Variants in KDM4C observed in about 807,000 individuals in gnomAD.
The protein encoded by KDM4C is lysine demethylase 4C.
KDM4C carries 81 observed loss-of-function variants against 129.3 expected under a neutral mutation model. That is an observed-to-expected ratio of 0.63 (90% CI 0.52 to 0.75). KDM4C has a LOEUF of 0.75. Ranked by LOEUF, KDM4C falls within the 30% of genes least tolerant of loss-of-function variation. KDM4C has a pLI of 0.00. For synonymous variants in KDM4C, 573 were observed against 456.1 expected, an observed-to-expected ratio of 1.26 and a Z score of -3.26; for missense variants, 1,457 against 1,304.0, an observed-to-expected ratio of 1.12 and a Z score of -1.81.
At chr9:6,789,185 G>A (rs531763569) in intron 1 of KDM4C, among the ~76,000 whole-genome samples, 54 of 151,242 alleles carry the variant, frequency 3.6e-4, no homozygotes, top group African/African-American at 1.3e-3. Flanking sequence ...CCGAGTAGCT[G>A]GGACTATAGG....
At chr9:6,926,486 A>T (rs1017293227) in intron 8 of KDM4C, among the ~76,000 whole-genome samples, 46 of 152,172 alleles carry the variant, frequency 3.0e-4, no homozygotes, top group Non-Finnish European at 1.3e-4. Flanking sequence ...TTGCATAATT[A>T]AAATTATATG....
At chr9:7,168,770 A>G (rs755999952) in intron 20 of KDM4C, among the ~76,000 whole-genome samples, 2 of 152,214 alleles carry the variant, frequency 1.3e-5, no homozygotes, top group Admixed American at 6.5e-5. Context: ...GGATTATTAT[A>G]TAAGAGTAAA....
chr9:6,810,453 C>T (rs1395819510), intron 3 of KDM4C, among the ~76,000 whole-genome samples: 1 of 152,072 alleles, frequency 6.6e-6, no homozygotes, highest in African/African-American at 2.4e-5. Flanking sequence ...ACAGAATATA[C>T]ATTTCTTGAC....
chr9:6,743,301 T>C lies in KDM4C; in HGVS notation c.49+22304T>C, dbSNP rs113460381. Among the ~76,000 whole-genome samples, 316 of 152,150 alleles carry C rather than the reference T, an allele frequency of 2.1e-3. 2 individuals are homozygous for C. Among genetic ancestry groups the C allele is most frequent in the African/African-American group, 7.3e-3 (303 of 41,524 alleles). On this transcript the variant is annotated intron_variant, in intron 1 of 17. Transcript: ENST00000536108. ...ACTGAGGCACTTCGTTCAAGCAAAA[T>C]TACATCTACCTTGCACATAACTATA... is the stretch of plus-strand genomic sequence containing the variant.
chr9:7,126,847 G>A (rs1028051452), intron 18 of KDM4C, among the ~76,000 whole-genome samples: 7 of 151,474 alleles, frequency 4.6e-5, no homozygotes, highest in African/African-American at 1.7e-4. Flanking sequence ...GTAAAGAACT[G>A]CTGTTAAAAA....
At chr9:7,163,435 A>G (rs939380641) in intron 19 of KDM4C, among the ~76,000 whole-genome samples, 2 of 152,094 alleles carry the variant, frequency 1.3e-5, no homozygotes, top group Non-Finnish European at 2.9e-5. Flanking sequence ...TTAAGTCGTA[A>G]CTAATCCTCT....
At position 7,174,620 on chromosome 9, in the gene KDM4C, A is replaced by G. The variant is rs996984529; in HGVS notation, c.3062A>G (p.Lys1021Arg). ...YGADIIQGER[K>R]RQRVLSSRFK... ...GCAGACATTATCCAAGGGGAGAGAA[A>G]GAGACAAAGAGTGCTGAGCTCCAGG... Residue 1021 changes from lysine to arginine, a missense_variant, in exon 22 of 22, where the codon AAG becomes AGG. Lys to Arg is a conservative substitution (Grantham distance 26). Coordinates refer to ENST00000381309, the MANE Select transcript of KDM4C (RefSeq NM_015061.6). The G allele has an allele frequency of 6.2e-7, 1 of 1,614,190 alleles. No homozygotes were observed. Among genetic ancestry groups the G allele is most frequent in the Non-Finnish European group, 8.5e-7 (1 of 1,180,006 alleles).
intron 19 of KDM4C, among the ~76,000 whole-genome samples, chr9:7,140,532 T>A (rs977680809): frequency 5.9e-5 from 9 of 152,170 alleles, no homozygotes; most frequent in Admixed American, 5.9e-4. Context: ...ATGCTTCCCA[T>A]GAAGGCCCTT....
chr9:6,984,252 C>G lies in KDM4C; in HGVS notation c.1202C>G (p.Pro401Arg), dbSNP rs758562696. 1.2e-6 allele frequency: 2 copies of G among 1,613,892 alleles called. No individual in the cohort carries two copies. The highest frequency in any genetic ancestry group is 4.5e-5 in the East Asian group (2 of 44,894). ...VSDEVDGAEV[P>R]NPDSVTDDLK... ...GATGAAGTCGATGGGGCAGAGGTCC[C>G]TAACCCCGACTCAGTCACAGATGAC... The change falls in exon 10 of 22, where the codon CCT becomes CGT. Residue 401 changes from proline to arginine, a missense_variant. Transcript: ENST00000381309.
intron 4 of KDM4C, among the ~76,000 whole-genome samples, chr9:6,829,370 A>G (rs1834413505): frequency 6.6e-6 from 1 of 152,188 alleles, no homozygotes; most frequent in Non-Finnish European, 1.5e-5. Context: ...TTTCTGTGGG[A>G]AAGTATTAGG....
chr9:6,966,692 G>C (rs572283221), intron 8 of KDM4C, among the ~76,000 whole-genome samples: 1 of 152,222 alleles, frequency 6.6e-6, no homozygotes, highest in Non-Finnish European at 1.5e-5. Flanking sequence ...ATGGTATTTA[G>C]TTTTTTGTCA....
intron 20 of KDM4C, 111 bp downstream of exon 20, chr9:7,165,468 C>G: frequency 8.1e-7 from 1 of 1,228,340 alleles, no homozygotes; most frequent in Non-Finnish European, 1.1e-6. Context: ...TGGGACACCT[C>G]TTATTTTATG....
rs114193178 is a variant in KDM4C at position 6,794,304 on chromosome 9, A to G, written c.144+1172A>G. 2.4e-3 allele frequency among the ~76,000 whole-genome samples: 369 copies of G among 152,344 alleles called. 2 individuals are homozygous for G. Among genetic ancestry groups the G allele is most frequent in the African/African-American group, 8.6e-3 (356 of 41,584 alleles). On this transcript the variant is annotated intron_variant, in intron 2 of 21. Transcript: ENST00000381309. ...AGCACAGATCCAAAGGATAAAAATAAACCAGTCTTTTCAAGATATGGGGAC... is the reference window on the plus strand; with the variant it reads ...AGCACAGATCCAAAGGATAAAAATAGACCAGTCTTTTCAAGATATGGGGAC...
At chr9:6,745,547 A>C (rs1588057520) in intron 1 of KDM4C, among the ~76,000 whole-genome samples, 3 of 141,288 alleles carry the variant, frequency 2.1e-5, no homozygotes, top group African/African-American at 2.7e-5. Flanking sequence ...GTGTGATGGC[A>C]CCTCTGCGCA....
intron 2 of KDM4C, among the ~76,000 whole-genome samples, chr9:6,799,199 G>A (rs1438943004): frequency 6.6e-6 from 1 of 152,202 alleles, no homozygotes; most frequent in Non-Finnish European, 1.5e-5. Flanking sequence ...GGCACTTTGG[G>A]AGGCCAAGGC....
intron 1 of KDM4C, among the ~76,000 whole-genome samples, chr9:6,738,483 G>A (rs1000652972): frequency 2.6e-5 from 4 of 152,140 alleles, no homozygotes; most frequent in Non-Finnish European, 5.9e-5. Context: ...CCCCAAGCTG[G>A]AGGGCAATGG....
At chr9:7,016,415 C>G (rs1237212841) in intron 15 of KDM4C, among the ~76,000 whole-genome samples, 2 of 142,006 alleles carry the variant, frequency 1.4e-5, no homozygotes, top group Admixed American at 7.2e-5. Context: ...GCGGGAGCCA[C>G]TGTTCCTGGC....
intron 1 of KDM4C, among the ~76,000 whole-genome samples, chr9:6,775,378 C>T (rs1043971208): frequency 2.0e-5 from 3 of 151,862 alleles, no homozygotes; most frequent in African/African-American, 2.4e-5. Flanking sequence ...GTAGTTCCAT[C>T]GGGTGAATAT....
chr9:7,106,392 G>A (rs925595222), intron 18 of KDM4C, among the ~76,000 whole-genome samples: 1 of 152,172 alleles, frequency 6.6e-6, no homozygotes, highest in African/African-American at 2.4e-5. Flanking sequence ...GGCAATTGCC[G>A]AATCATAGCA....
Sources: gnomAD v4.1 joint callset for allele counts (sites outside exome capture counted in the v4.1 genomes callset) on GRCh38, gnomAD v4.1.1 for gene constraint, MANE v1.5 for transcripts, NCBI Gene and HGNC (gene_info 2026-07-23, HGNC 2026-07-21) for gene names.